TMEM131L: variants seen among roughly 807,000 people sequenced by gnomAD.
The protein encoded by TMEM131L is transmembrane protein 131-like.
A neutral mutation model predicts 192.2 loss-of-function variants in TMEM131L; 54 were observed. The ratio of observed to expected loss-of-function variants is 0.28; its 90% CI spans 0.23 to 0.35. The LOEUF (loss-of-function observed/expected upper bound fraction) is 0.35. Ranked by LOEUF, TMEM131L falls within the 10% of genes least tolerant of loss-of-function variation. The pLI is 1.00. For synonymous variants in TMEM131L, 701 were observed against 704.9 expected, an observed-to-expected ratio of 0.99 and a Z score of 0.09; for missense variants, 1,888 against 1,972.9, an observed-to-expected ratio of 0.96 and a Z score of 0.82.
At chr4:153,552,473 C>T (rs1737700321) in intron 4 of TMEM131L, among the ~76,000 whole-genome samples, 1 of 152,056 alleles carries the variant, frequency 6.6e-6, no homozygotes, top group Non-Finnish European at 1.5e-5. Context: ...CCCATGGATA[C>T]CAAAAGCTAA....
rs536965208 is a variant in TMEM131L at position 153,481,562 on chromosome 4, G to T, written c.239+7674G>T. ...TTTTAGTTTTATTTTTTGAGACAGG[G>T]TCTCAGTCTGTCACCTAGGCTTTAG... On this transcript the variant is annotated intron_variant, in intron 3 of 34. Transcript: ENST00000409959. 7.3e-4 allele frequency among the ~76,000 whole-genome samples: 111 copies of T among 152,244 alleles called. 1 individual carries two copies. Among genetic ancestry groups the T allele is most frequent in the African/African-American group, 2.6e-3 (106 of 41,532 alleles).
At chr4:153,632,079 C>T (rs528730826) in intron 31 of TMEM131L, among the ~76,000 whole-genome samples, 1 of 152,102 alleles carries the variant, frequency 6.6e-6, no homozygotes, top group Non-Finnish European at 1.5e-5. Flanking sequence ...TTTGGGAGGC[C>T]GAGGCAGTGG....
intron 3 of TMEM131L, among the ~76,000 whole-genome samples, chr4:153,530,650 G>C (rs1485181465): frequency 6.6e-6 from 1 of 152,174 alleles, no homozygotes; most frequent in Non-Finnish European, 1.5e-5. Flanking sequence ...ACTCATGCAA[G>C]TTCGACCTCT....
chr4:153,491,070 T>C (rs1172645057), intron 3 of TMEM131L, among the ~76,000 whole-genome samples: 1 of 152,186 alleles, frequency 6.6e-6, no homozygotes, highest in Non-Finnish European at 1.5e-5. Context: ...AGAAATACAT[T>C]TGTGGCATGT....
At chr4:153,591,233 TC>T in intron 17 of TMEM131L, 39 bp downstream of exon 17, 2 of 1,534,362 alleles carry the variant, frequency 1.3e-6, no homozygotes, top group Non-Finnish European at 8.8e-7. Flanking sequence ...TGTCAGTGAC[TC>T]CCCAGTGCTT....
At position 153,598,696 on chromosome 4, in the gene TMEM131L, A is replaced by C. The variant is rs368148829; in HGVS notation, c.2230A>C (p.Lys744Gln). ...LPGAGGSLRF[K>Q]VPESTLMDCR... is the part of the protein sequence containing the mutation. ...TGGTGCAGGAGGCTCACTCCGATTT[A>C]AGGTGCCCGAGTCCACGCTGATGGA... The change falls in exon 21 of 35, where the codon AAG becomes CAG. Residue 744 changes from lysine (K) to glutamine (Q), a missense_variant. Transcript: ENST00000409959. 2 of 1,614,014 alleles carry C rather than the reference A, an allele frequency of 1.2e-6. No individual in the cohort carries two copies. The highest frequency in any genetic ancestry group is 8.5e-7 in the Non-Finnish European group (1 of 1,179,926).
At chr4:153,560,571 A>G (rs761879612) in intron 7 of TMEM131L, among the ~76,000 whole-genome samples, 4 of 152,170 alleles carry the variant, frequency 2.6e-5, no homozygotes. Flanking sequence ...TGCAGCCCTC[A>G]CGATCACTGT....
chr4:153,494,438 A>AGTCTGG (rs1395538082), intron 3 of TMEM131L, among the ~76,000 whole-genome samples: 1 of 152,204 alleles, frequency 6.6e-6, no homozygotes, highest in Non-Finnish European at 1.5e-5. Context: ...TTTTCTGTGG[A>AGTCTGG]GTCTGGAAGA....
rs138651253 is a variant in TMEM131L, at chr4:153,604,511, G to A, written c.3418+81G>A. 53 of 1,355,220 alleles carry A rather than the reference G, an allele frequency of 3.9e-5. No homozygotes were observed. In the African/African-American group the frequency reaches 4.1e-4, roughly 10 times the overall value. 83.9% of individuals were successfully genotyped at this position (1,355,220 alleles called of 1,614,324 possible). ...AATGGAATTGTTCTCACCTGTGACC[G>A]TTAGTTTTAATTGTGGATGCTGAGT... On this transcript the variant is annotated intron_variant, in intron 25 of 34. Transcript: ENST00000409959.
At chr4:153,628,287 C>T (rs1179634475) in intron 31 of TMEM131L, among the ~76,000 whole-genome samples, 1 of 152,194 alleles carries the variant, frequency 6.6e-6, no homozygotes, top group East Asian at 1.9e-4. Flanking sequence ...ACCTCTCCTG[C>T]CTGGGGGCTC....
chr4:153,549,441 T>C (rs1241706091), intron 3 of TMEM131L, among the ~76,000 whole-genome samples: 1 of 152,264 alleles, frequency 6.6e-6, no homozygotes, highest in African/African-American at 2.4e-5. Context: ...TTTTTAAGTA[T>C]GTTTATATGT....
intron 3 of TMEM131L, among the ~76,000 whole-genome samples, chr4:153,476,589 C>T (rs548666930): frequency 1.3e-5 from 2 of 151,802 alleles, no homozygotes; most frequent in East Asian, 1.9e-4. Flanking sequence ...CCCAGCTACT[C>T]GGGAGGCTGA....
chr4:153,522,194 A>G (rs1444914592), intron 3 of TMEM131L, among the ~76,000 whole-genome samples: 1 of 152,116 alleles, frequency 6.6e-6, no homozygotes, highest in Admixed American at 6.6e-5. Flanking sequence ...GGAGTGGTGA[A>G]GTGGGAACCC....
intron 33 of TMEM131L, 145 bp from the exon 34 acceptor site, chr4:153,635,287 C>A (rs1403443499): frequency 1.5e-6 from 1 of 654,508 alleles, no homozygotes; most frequent in East Asian, 2.9e-5. Context: ...GATGTTGCAA[C>A]GACTCTCCTG....
Position 153,621,818 on chromosome 4 carries a change from A to G in TMEM131L, c.3828A>G (p.Ala1276=). The part of the protein sequence containing the change: ...REVCKADAEI[A]SSLPAAQREA... ...TTTGTAAAGCAGATGCCGAAATTGC[A>G]AGCAGTTTACCTGCTGCCCAGAGAG... The change falls in exon 28 of 35, where the codon GCA becomes GCG. Residue 1276 remains alanine (A), a synonymous_variant. Transcript: ENST00000409959. The G allele has an allele frequency of 6.2e-7, 1 of 1,614,152 alleles. No homozygotes were observed. Among genetic ancestry groups the G allele is most frequent in the Non-Finnish European group, 8.5e-7 (1 of 1,179,994 alleles).
At chr4:153,592,089 A>G (rs1415145126) in intron 17 of TMEM131L, among the ~76,000 whole-genome samples, 3 of 152,116 alleles carry the variant, frequency 2.0e-5, no homozygotes, top group Admixed American at 2.0e-4. Flanking sequence ...AAATGCAACA[A>G]TCATGATGCT....
intron 3 of TMEM131L, among the ~76,000 whole-genome samples, chr4:153,548,974 G>C (rs1737400731): frequency 1.3e-5 from 2 of 152,094 alleles, no homozygotes; most frequent in Admixed American, 1.3e-4. Flanking sequence ...TTATTTTTGA[G>C]TCAGGTCTCA....
At chr4:153,552,641 C>T (rs901681751) in intron 4 of TMEM131L, among the ~76,000 whole-genome samples, 4 of 151,862 alleles carry the variant, frequency 2.6e-5, no homozygotes, top group Non-Finnish European at 4.4e-5. Context: ...GACCAGCCTG[C>T]GCAACACTGT....
intron 3 of TMEM131L, among the ~76,000 whole-genome samples, chr4:153,537,681 C>G (rs1464732975): frequency 6.6e-6 from 1 of 152,176 alleles, no homozygotes; most frequent in South Asian, 2.1e-4. Flanking sequence ...CCTGTTTCAT[C>G]AGCAAGGCCT....
Sources: gnomAD v4.1 joint callset for allele counts (sites outside exome capture counted in the v4.1 genomes callset) on GRCh38, gnomAD v4.1.1 for gene constraint, MANE v1.5 for transcripts, NCBI Gene and HGNC (gene_info 2026-07-23, HGNC 2026-07-21) for gene names.